The following NAALAD2 variants were observed in gnomAD, a reference collection of about 807,000 sequenced individuals.
NAALAD2 encodes the protein N-acetylated-alpha-linked acidic dipeptidase 2.
Under a neutral mutation model 95.6 loss-of-function variants are expected in NAALAD2, and 89 were observed. That is an observed-to-expected ratio of 0.93 (90% CI 0.78 to 1.11). The LOEUF (loss-of-function observed/expected upper bound fraction) is 1.11. NAALAD2 is among the 50% of genes least tolerant of loss of function. The pLI, the probability that NAALAD2 is intolerant of heterozygous loss-of-function variation, is 0.00. For synonymous variants in NAALAD2, 264 were observed against 294.4 expected (o/e 0.90, Z 1.06); for missense variants, 894 against 872.4 (o/e 1.02, Z -0.31).
At chr11:90,165,073 T>G (rs1411397469) in intron 11 of NAALAD2, among the ~76,000 whole-genome samples, 1 of 152,200 alleles carries the variant, frequency 6.6e-6, no homozygotes, top group Non-Finnish European at 1.5e-5. Context: ...ATGTGGTATT[T>G]ATTTTTCTGT....
chr11:90,163,089 T>C, intron 9 of NAALAD2, 55 bp downstream of exon 9: 1 of 1,359,038 alleles, frequency 7.4e-7, no homozygotes, highest in Non-Finnish European at 1.0e-6. Flanking sequence ...AAAGGGTAAG[T>C]AAAGATAAAT....
At chr11:90,148,398 T>C (rs1000531704) in intron 3 of NAALAD2, among the ~76,000 whole-genome samples, 5 of 151,936 alleles carry the variant, frequency 3.3e-5, no homozygotes, top group East Asian at 1.9e-4. Context: ...GACTGTCTGG[T>C]GTGGGTGGCT....
chr11:90,182,873 T>C, intron 17 of NAALAD2, 43 bp from the exon 18 acceptor site: 2 of 1,267,878 alleles, frequency 1.6e-6, no homozygotes, highest in Non-Finnish European at 2.3e-6. Flanking sequence ...TGAAGCATGA[T>C]TCTGCGGTTT....
intron 18 of NAALAD2, among the ~76,000 whole-genome samples, chr11:90,191,240 A>T (rs1337977831): frequency 6.6e-6 from 1 of 152,134 alleles, no homozygotes; most frequent in Non-Finnish European, 1.5e-5. Flanking sequence ...CCATAAACTT[A>T]CATGTTATCA....
Position 90,191,983 on chromosome 11 carries a change from AG to A in NAALAD2, c.*237del. On this transcript the variant is annotated 3_prime_UTR_variant, in exon 19 of 19. Transcript: ENST00000534061. ...AAACTCCTGTGTGGCAGAAAGTAAA[AG>A]AAAATTCCCTAAATTATAGCAAGGA... The A allele has an allele frequency of 3.7e-6, 1 of 270,526 alleles. No homozygotes were observed. The highest frequency in any genetic ancestry group is 6.3e-5 in the East Asian group (1 of 15,968). 16.8% of individuals were successfully genotyped at this position (270,526 alleles called of 1,614,324 possible). A position where few individuals can be genotyped will look rare whatever the true frequency, so the allele number is the denominator to read the frequency against.
At position 90,163,430 on chromosome 11, in the gene NAALAD2, G is replaced by C. The variant is rs767244851; in HGVS notation, c.1195+1G>C. The C allele has an allele frequency of 6.2e-7, 1 of 1,613,792 alleles. No individual in the cohort carries two copies. Among genetic ancestry groups the C allele is most frequent in the East Asian group, 2.2e-5 (1 of 44,862 alleles). On this transcript the variant is annotated splice_donor_variant, in intron 10 of 18. Transcript: ENST00000534061. LOFTEE classifies it high-confidence loss of function. ...AGTTTTGGAAAACTGATGAGTAAAG[G>C]TAAACAACCTTTCTTTCCTAGGTGA...
intron 11 of NAALAD2, chr11:90,163,826 C>A: frequency 2.1e-6 from 1 of 478,010 alleles, no homozygotes; most frequent in Non-Finnish European, 3.6e-6. Context: ...AGAGTTATTG[C>A]CTCTTGTCAA....
chr11:90,133,407 G>A (rs899070818), upstream of NAALAD2, among the ~76,000 whole-genome samples: 7 of 151,994 alleles, frequency 4.6e-5, no homozygotes, highest in African/African-American at 1.7e-4. Context: ...GGAATGACAG[G>A]GACCATTGCT....
At chr11:90,145,141 A>G (rs934376282) in intron 2 of NAALAD2, among the ~76,000 whole-genome samples, 6 of 152,194 alleles carry the variant, frequency 3.9e-5, no homozygotes, top group African/African-American at 1.2e-4. Context: ...CTTGGCTAAG[A>G]TCTTCTAGAA....
chr11:90,178,454 G>A (rs143372987), intron 16 of NAALAD2, among the ~76,000 whole-genome samples: 1,579 of 152,198 alleles, frequency 0.01, 26 homozygotes, highest in African/African-American at 0.036. Flanking sequence ...GGCAGATGAT[G>A]AGGTCAGGAG....
upstream of NAALAD2, among the ~76,000 whole-genome samples, chr11:90,132,611 G>A (rs1397661287): frequency 6.6e-6 from 1 of 152,156 alleles, no homozygotes; most frequent in Non-Finnish European, 1.5e-5. Flanking sequence ...TTAAACACTG[G>A]AGAGTTATTA....
chr11:90,182,843 TTTTTA>T, intron 17 of NAALAD2, 68 bp from the exon 18 acceptor site: 1 of 1,039,642 alleles, frequency 9.6e-7, no homozygotes, highest in Non-Finnish European at 1.5e-6. Context: ...CCAAGCCTTG[TTTTTA>T]TTTAATATTA....
chr11:90,192,694 T>C lies in NAALAD2; in HGVS notation c.*947T>C, dbSNP rs1313768103. ...ATGGTCAGGAAAAAGCCAGTAATAT[T>C]CATACATTTAATAATTTCAGCTCTA... On this transcript the variant is annotated 3_prime_UTR_variant, in exon 19 of 19. Transcript: ENST00000534061. The C allele has an allele frequency of 1.3e-5, 2 of 152,014 alleles. No individual in the cohort carries two copies. The highest frequency in any genetic ancestry group is 2.9e-5 in the Non-Finnish European group (2 of 67,900). The allele number at this position is 152,014 out of a possible 1,614,324, so 9.4% of individuals were successfully genotyped here.
intron 16 of NAALAD2, among the ~76,000 whole-genome samples, chr11:90,180,187 C>T (rs1952919409): frequency 6.6e-6 from 1 of 152,124 alleles, no homozygotes; most frequent in Non-Finnish European, 1.5e-5. Context: ...AGTAAAACTG[C>T]TCTTGCAAAA....
intron 5 of NAALAD2, 59 bp from the exon 6 acceptor site, chr11:90,152,239 A>T (rs1197790883): frequency 7.0e-7 from 1 of 1,436,424 alleles, no homozygotes; most frequent in Non-Finnish European, 9.4e-7. Flanking sequence ...TGTCTTTCTT[A>T]TATGAATAAG....
intron 14 of NAALAD2, among the ~76,000 whole-genome samples, chr11:90,174,515 A>G (rs948167873): frequency 6.6e-6 from 1 of 152,086 alleles, no homozygotes; most frequent in Non-Finnish European, 1.5e-5. Flanking sequence ...TTACATATGT[A>G]TTAGGTGTAT....
At chr11:90,152,172 A>G in intron 5 of NAALAD2, 126 bp from the exon 6 acceptor site, 1 of 801,766 alleles carries the variant, frequency 1.2e-6, no homozygotes, top group Non-Finnish European at 1.8e-6. Context: ...AAGAGAACTG[A>G]ATGTGTAATT....
intron 13 of NAALAD2, among the ~76,000 whole-genome samples, chr11:90,172,701 T>A (rs1353492878): frequency 6.6e-6 from 1 of 152,310 alleles, no homozygotes; most frequent in African/African-American, 2.4e-5. Context: ...TTAGATTTCA[T>A]TGTGAGGTCC....
intron 10 of NAALAD2, 41 bp from the exon 11 acceptor site, chr11:90,163,494 A>T (rs1433672234): frequency 3.1e-6 from 5 of 1,612,950 alleles, no homozygotes; most frequent in Non-Finnish European, 2.5e-6. Flanking sequence ...TTTATTTTTT[A>T]GGCAGTTGTA....
Sources: gnomAD v4.1 joint callset for allele counts (sites outside exome capture counted in the v4.1 genomes callset) on GRCh38, gnomAD v4.1.1 for gene constraint, MANE v1.5 for transcripts, NCBI Gene and HGNC (gene_info 2026-07-23, HGNC 2026-07-21) for gene names.